The following TFCP2 variants were observed in gnomAD, a reference collection of about 807,000 sequenced individuals.
The protein encoded by TFCP2 is transcription factor CP2.
In TFCP2, 33 loss-of-function variants were observed where a neutral mutation model predicts 73.4. The ratio of observed to expected loss-of-function variants is 0.45; its 90% CI spans 0.34 to 0.60. The LOEUF is 0.60. Among genes scored for constraint, TFCP2 ranks in the 20% least tolerant of loss-of-function variants. The pLI is 0.01. For synonymous variants in TFCP2, 193 were observed against 211.6 expected (o/e 0.91, Z 0.76); for missense variants, 352 against 604.0 (o/e 0.58, Z 4.37).
At chr12:51,106,634 A>T in intron 7 of TFCP2, 21 bp from the exon 8 acceptor site, 1 of 1,602,644 alleles carries the variant, frequency 6.2e-7, no homozygotes, top group Non-Finnish European at 8.5e-7. Context: ...AGGATAAGTT[A>T]GATAATGAAC....
At chr12:51,118,807 G>T (rs202010433) in intron 1 of TFCP2, 35 bp from the exon 2 acceptor site, 15 of 1,609,030 alleles carry the variant, frequency 9.3e-6, no homozygotes, top group Non-Finnish European at 1.3e-5. Context: ...TTAATACCTG[G>T]CAATGGTGCA....
At chr12:51,161,354 A>G (rs1268246653) in intron 1 of TFCP2, among the ~76,000 whole-genome samples, 1 of 151,850 alleles carries the variant, frequency 6.6e-6, no homozygotes, top group Non-Finnish European at 1.5e-5. Context: ...GCAAACAAAG[A>G]AACAGGACTA....
chr12:51,153,406 T>C (rs1286547408), intron 1 of TFCP2, among the ~76,000 whole-genome samples: 3 of 148,554 alleles, frequency 2.0e-5, no homozygotes, highest in African/African-American at 7.6e-5. Context: ...ACCTTTTTTT[T>C]TTTTGTTTTT....
chr12:51,149,813 C>T (rs1941384468), intron 1 of TFCP2, among the ~76,000 whole-genome samples: 1 of 152,058 alleles, frequency 6.6e-6, no homozygotes, highest in Non-Finnish European at 1.5e-5. Context: ...GTTGGCCAGG[C>T]TGGTCTAGAA....
intron 1 of TFCP2, among the ~76,000 whole-genome samples, chr12:51,136,060 A>G (rs1447030702): frequency 6.6e-6 from 1 of 151,918 alleles, no homozygotes; most frequent in Non-Finnish European, 1.5e-5. Context: ...TAATCCCAAC[A>G]CTTTGGGAGG....
chr12:51,150,350 G>A (rs978186467), intron 1 of TFCP2, among the ~76,000 whole-genome samples: 12 of 152,184 alleles, frequency 7.9e-5, no homozygotes, highest in African/African-American at 1.4e-4. Context: ...CTCGGGAGGC[G>A]GAGGTTGCAG....
chr12:51,156,551 CA>C (rs1477725811), intron 1 of TFCP2, among the ~76,000 whole-genome samples: 1 of 152,132 alleles, frequency 6.6e-6, no homozygotes, highest in Non-Finnish European at 1.5e-5. Context: ...CAAACTATGT[CA>C]AAGATAATGC....
In TFCP2 at chr12:51,094,951, A is replaced by G. The variant is rs1424493055; in HGVS notation, c.*290T>C. ...AATTCCCATCATCATTATGCCCTAC[A>G]TACACTCTAAATTATGTAGAGTTTC... is the stretch of plus-strand genomic sequence containing the variant. On this transcript the variant is annotated 3_prime_UTR_variant, in exon 15 of 15. Coordinates refer to ENST00000257915, the MANE Select transcript of TFCP2 (RefSeq NM_005653.5). The G allele has an allele frequency of 4.5e-6, 2 of 443,086 alleles. No homozygotes were observed. Among genetic ancestry groups the G allele is most frequent in the East Asian group, 3.5e-5 (1 of 28,486 alleles). The allele number at this position is 443,086 out of a possible 1,614,324, so 27.4% of individuals were successfully genotyped here.
intron 1 of TFCP2, among the ~76,000 whole-genome samples, chr12:51,169,972 G>A (rs532071178): frequency 6.6e-6 from 1 of 152,306 alleles, no homozygotes; most frequent in Non-Finnish European, 1.5e-5. Context: ...GTTTGCTGGT[G>A]ATGTTAACTA....
chr12:51,125,073 T>A, intron 1 of TFCP2: 1 of 754,994 alleles, frequency 1.3e-6, no homozygotes, highest in Non-Finnish European at 2.5e-6. Flanking sequence ...AGGCTCATCA[T>A]AGTCCTCTCC....
chr12:51,155,838 T>C (rs1208986479), intron 1 of TFCP2, among the ~76,000 whole-genome samples: 1 of 152,182 alleles, frequency 6.6e-6, no homozygotes, highest in African/African-American at 2.4e-5. Flanking sequence ...GGCCAGGAGT[T>C]TGAGACCAGC....
chr12:51,151,300 G>A (rs964817938), intron 1 of TFCP2, among the ~76,000 whole-genome samples: 1 of 152,104 alleles, frequency 6.6e-6, no homozygotes, highest in Non-Finnish European at 1.5e-5. Flanking sequence ...ACAGTTTTTA[G>A]GAGAAAAGTA....
chr12:51,128,935 G>T (rs1019978568), intron 1 of TFCP2, among the ~76,000 whole-genome samples: 1 of 152,104 alleles, frequency 6.6e-6, no homozygotes, highest in African/African-American at 2.4e-5. Context: ...GGAACAGGAG[G>T]CTAAATTTAA....
intron 1 of TFCP2, among the ~76,000 whole-genome samples, chr12:51,146,349 T>C (rs912011257): frequency 6.6e-6 from 1 of 151,632 alleles, no homozygotes; most frequent in Non-Finnish European, 1.5e-5. Flanking sequence ...TCCTATAAAT[T>C]AATATGAAAA....
At chr12:51,116,498 C>A in intron 3 of TFCP2, 78 bp from the exon 4 acceptor site, 1 of 703,024 alleles carries the variant, frequency 1.4e-6, no homozygotes, top group African/African-American at 1.8e-5. Context: ...TAGCAGGATT[C>A]ACTGCCAGTT....
At chr12:51,165,873 G>A (rs992824142) in intron 1 of TFCP2, among the ~76,000 whole-genome samples, 3 of 152,184 alleles carry the variant, frequency 2.0e-5, no homozygotes, top group Admixed American at 2.0e-4. Context: ...TCTGAGTAGG[G>A]CATGGTGGCA....
At chr12:51,159,178 CA>C (rs139446881) in intron 1 of TFCP2, among the ~76,000 whole-genome samples, 2 of 120,524 alleles carry the variant, frequency 1.7e-5, no homozygotes, top group African/African-American at 3.2e-5. Flanking sequence ...GACTCTGTCT[CA>C]AAAAAAAAAG....
At chr12:51,148,506 C>T (rs1408347617) in intron 1 of TFCP2, among the ~76,000 whole-genome samples, 2 of 151,716 alleles carry the variant, frequency 1.3e-5, no homozygotes, top group African/African-American at 2.4e-5. Flanking sequence ...TTAAGACCAG[C>T]CTAGCCAATA....
At chr12:51,103,800 G>T in intron 9 of TFCP2, 37 bp from the exon 10 acceptor site, 1 of 1,537,096 alleles carries the variant, frequency 6.5e-7, no homozygotes, top group South Asian at 1.1e-5. Context: ...TAACCAAATA[G>T]ATTTGTCTGT....
Sources: allele counts gnomAD v4.1 joint callset (sites outside exome capture counted in the v4.1 genomes callset), GRCh38; gene constraint gnomAD v4.1.1; transcripts MANE v1.5; gene names NCBI Gene and HGNC (gene_info 2026-07-23, HGNC 2026-07-21).